Variants in CYP19A1 observed in about 807,000 individuals in gnomAD.
CYP19A1 encodes the protein aromatase.
A neutral mutation model predicts 44.4 loss-of-function variants in CYP19A1; 32 were observed. That is an observed-to-expected ratio of 0.72 (90% confidence interval 0.54 to 0.97). CYP19A1 has a LOEUF of 0.97. Ranked by LOEUF, CYP19A1 falls within the 50% of genes least tolerant of loss-of-function variation. The pLI is 0.00. For missense variants in CYP19A1, 598 were observed against 637.8 expected (o/e 0.94, Z 0.67); for synonymous variants, 212 against 215.6 (o/e 0.98, Z 0.14).
intron 1 of CYP19A1, among the ~76,000 whole-genome samples, chr15:51,299,891 G>A (rs566461151): frequency 6.6e-6 from 1 of 152,328 alleles, no homozygotes; most frequent in African/African-American, 2.4e-5. Context: ...CTCATTGAAG[G>A]TTCTACAGAG....
chr15:51,323,631 T>C (rs2141024427), intron 1 of CYP19A1, among the ~76,000 whole-genome samples: 1 of 152,180 alleles, frequency 6.6e-6, no homozygotes, highest in East Asian at 1.9e-4. Context: ...TTGCAAACTG[T>C]AAAGCTCAGC....
intron 4 of CYP19A1, among the ~76,000 whole-genome samples, chr15:51,226,744 C>A (rs986404868): frequency 6.6e-6 from 1 of 151,336 alleles, no homozygotes; most frequent in Non-Finnish European, 1.5e-5. Context: ...AAGGGTTAGT[C>A]GTGTGTATTC....
intron 1 of CYP19A1, among the ~76,000 whole-genome samples, chr15:51,317,732 G>A (rs1387260308): frequency 6.6e-5 from 10 of 152,198 alleles, no homozygotes; most frequent in Admixed American, 5.9e-4. Context: ...CCAGGCTAAT[G>A]AGGCTGGAGT....
At chr15:51,327,281 G>C (rs920765040) in intron 1 of CYP19A1, among the ~76,000 whole-genome samples, 1 of 152,082 alleles carries the variant, frequency 6.6e-6, no homozygotes, top group Non-Finnish European at 1.5e-5. Flanking sequence ...AGAATCAAGC[G>C]CCAGGGCTAA....
intron 3 of CYP19A1, among the ~76,000 whole-genome samples, chr15:51,232,693 C>T (rs1453609215): frequency 2.0e-5 from 3 of 152,124 alleles, no homozygotes; most frequent in Admixed American, 2.0e-4. Context: ...TTGGCTTTGC[C>T]TTCAAAATAT....
At chr15:51,216,570 T>TA (rs2031601344) in intron 6 of CYP19A1, among the ~76,000 whole-genome samples, 1 of 152,176 alleles carries the variant, frequency 6.6e-6, no homozygotes, top group Non-Finnish European at 1.5e-5. Context: ...TCTGCTTTTA[T>TA]TTGCCTAGTC....
At chr15:51,277,959 T>G (rs992762900) in intron 1 of CYP19A1, 3 of 148,296 alleles carry the variant, frequency 2.0e-5, no homozygotes, top group Admixed American at 1.3e-4. Flanking sequence ...CATGAGTTTT[T>G]TTTTTTTTTT....
chr15:51,295,484 C>A (rs2035975691), intron 1 of CYP19A1, among the ~76,000 whole-genome samples: 1 of 152,136 alleles, frequency 6.6e-6, no homozygotes, highest in Non-Finnish European at 1.5e-5. Flanking sequence ...AATCTGTGAG[C>A]CCTGCAAAGT....
intron 1 of CYP19A1, among the ~76,000 whole-genome samples, chr15:51,302,778 T>C (rs2036141862): frequency 6.6e-6 from 1 of 152,216 alleles, no homozygotes; most frequent in South Asian, 2.1e-4. Context: ...AGCCCACGTC[T>C]TTCTCTCTTC....
intron 1 of CYP19A1, among the ~76,000 whole-genome samples, chr15:51,325,355 T>G (rs2036589464): frequency 1.3e-5 from 2 of 152,104 alleles, no homozygotes; most frequent in Admixed American, 6.5e-5. Context: ...GATCCCATTG[T>G]AAGGACTTGC....
chr15:51,230,900 G>A (rs2032978025), intron 3 of CYP19A1, among the ~76,000 whole-genome samples: 1 of 152,156 alleles, frequency 6.6e-6, no homozygotes, highest in South Asian at 2.1e-4. Flanking sequence ...GGCATTACAG[G>A]TGTGAGCCAC....
chr15:51,226,187 G>C (rs2032561649), intron 4 of CYP19A1, among the ~76,000 whole-genome samples: 1 of 150,930 alleles, frequency 6.6e-6, no homozygotes, highest in African/African-American at 2.4e-5. Flanking sequence ...TCAGAGAGAT[G>C]TAATGTGCAA....
At chr15:51,246,075 C>T (rs2034039075) in intron 1 of CYP19A1, among the ~76,000 whole-genome samples, 2 of 152,216 alleles carry the variant, frequency 1.3e-5, no homozygotes, top group African/African-American at 4.8e-5. Flanking sequence ...AATGCCACAG[C>T]TGGAAAGGTC....
chr15:51,282,648 C>T (rs978855765), intron 1 of CYP19A1, among the ~76,000 whole-genome samples: 1 of 152,222 alleles, frequency 6.6e-6, no homozygotes, highest in Admixed American at 6.5e-5. Flanking sequence ...TGCCAGACTT[C>T]GTTGCCCCAA....
In CYP19A1 at chr15:51,210,547, T is replaced by C. The variant is rs141515672; in HGVS notation, c.*261A>G. On this transcript the variant is annotated 3_prime_UTR_variant, in exon 10 of 10. Coordinates refer to ENST00000396402, the MANE Select transcript of CYP19A1 (RefSeq NM_000103.4). ...AGCACATTTGGTGGAATCGGGTCTT[T>C]ATGGATACGGTTTCTTCACCGACTA... 4.3e-5 allele frequency: 27 copies of C among 620,996 alleles called. 1 individual carries two copies. In the East Asian group the frequency reaches 8.4e-4, roughly 19 times the overall value. 38.5% of individuals were successfully genotyped at this position (620,996 alleles called of 1,614,324 possible). A position where few individuals can be genotyped will look rare whatever the true frequency, so the allele number is the denominator to read the frequency against.
chr15:51,292,032 A>C (rs1288914595), intron 1 of CYP19A1, among the ~76,000 whole-genome samples: 1 of 152,234 alleles, frequency 6.6e-6, no homozygotes, highest in Non-Finnish European at 1.5e-5. Context: ...TCACTCAGTC[A>C]GTCAGATGCA....
At chr15:51,229,950 A>G (rs1016182112) in intron 3 of CYP19A1, among the ~76,000 whole-genome samples, 2 of 152,224 alleles carry the variant, frequency 1.3e-5, no homozygotes, top group Admixed American at 6.5e-5. Context: ...AACAAACCCA[A>G]CGAAATATTT....
intron 1 of CYP19A1, among the ~76,000 whole-genome samples, chr15:51,265,744 TAC>T (rs1217063864): frequency 2.0e-5 from 3 of 152,208 alleles, no homozygotes; most frequent in African/African-American, 7.2e-5. Context: ...GGAATCACAT[TAC>T]CTTGTGGCAA....
intron 1 of CYP19A1, among the ~76,000 whole-genome samples, chr15:51,331,821 C>T (rs969322018): frequency 6.6e-6 from 1 of 151,950 alleles, no homozygotes; most frequent in Non-Finnish European, 1.5e-5. Flanking sequence ...GTAATTCTTT[C>T]CTGCTTTGTT....
Sources: gnomAD v4.1 joint callset for allele counts (sites outside exome capture counted in the v4.1 genomes callset) on GRCh38, gnomAD v4.1.1 for gene constraint, MANE v1.5 for transcripts, NCBI Gene and HGNC (gene_info 2026-07-23, HGNC 2026-07-21) for gene names.